CYP4Z1: variants seen among roughly 807,000 people sequenced by gnomAD.
The protein encoded by CYP4Z1 is cytochrome P450 4Z1.
In CYP4Z1, 41 loss-of-function variants were observed where a neutral mutation model predicts 54.2. The ratio of observed to expected loss-of-function variants is 0.76; its 90% CI spans 0.59 to 0.98. CYP4Z1 has a LOEUF of 0.98. CYP4Z1 is among the 50% of genes least tolerant of loss of function. The pLI is 0.00. For missense variants in CYP4Z1, 513 were observed against 599.0 expected, an observed-to-expected ratio of 0.86 and a Z score of 1.50; for synonymous variants, 163 against 206.2, an observed-to-expected ratio of 0.79 and a Z score of 1.79.
Position 47,106,184 on chromosome 1 carries a change from T to C in CYP4Z1, c.1124T>C (p.Leu375Pro), listed in dbSNP as rs1384955053. The stretch of plus-strand genomic sequence containing the variant: ...ATGTGCATCAAGGAATGCCTCCGCC[T>C]CTACGCACCGGTAGTAAACATATCC... ...TTMCIKECLRLYAPVVNISRL... is the reference protein window; with the variant it reads ...TTMCIKECLRPYAPVVNISRL... Residue 375 changes from leucine (L) to proline (P), a missense_variant, in exon 9 of 12, where the codon CTC (leucine) becomes CCC (proline). By Grantham distance (98) the Leu-to-Pro change is moderately conservative. Coordinates refer to ENST00000334194, the MANE Select transcript of CYP4Z1 (RefSeq NM_178134.3). 1.2e-6 allele frequency: 2 copies of C among 1,613,988 alleles called. No individual in the cohort carries two copies. Among genetic ancestry groups the C allele is most frequent in the Non-Finnish European group, 1.7e-6 (2 of 1,179,972 alleles).
At chr1:47,082,633 C>A (rs536672163) in intron 4 of CYP4Z1, among the ~76,000 whole-genome samples, 172 bp downstream of exon 4, 9 of 151,912 alleles carry the variant, frequency 5.9e-5, no homozygotes, top group Admixed American at 5.9e-4. Flanking sequence ...GTCTTGTATA[C>A]CCAACACTTC....
In CYP4Z1 at chr1:47,116,574, C is replaced by G. The variant is rs1295463; in HGVS notation, c.1267-76C>G. On this transcript the variant is annotated intron_variant, in intron 10 of 11. Transcript: ENST00000334194. Reference sequence around the variant, plus strand: ...TTCTGTTAACAATATCTATGGATTTCGTTTTTGTTTTTGTTTTTGTTTTTT... The same window carrying G: ...TTCTGTTAACAATATCTATGGATTTGGTTTTTGTTTTTGTTTTTGTTTTTT... The G allele has an allele frequency of 1.8e-3, 1,035 of 590,934 alleles. 7 individuals carry two copies. Among genetic ancestry groups the G allele is most frequent in the Non-Finnish European group, 2.5e-3 (962 of 385,340 alleles). The allele number at this position is 590,934 out of a possible 1,614,324, so 36.6% of individuals were successfully genotyped here.
chr1:47,087,998 G>C (rs1644610203), intron 6 of CYP4Z1, among the ~76,000 whole-genome samples: 1 of 152,106 alleles, frequency 6.6e-6, no homozygotes, highest in African/African-American at 2.4e-5. Flanking sequence ...GGATTACGTT[G>C]ATTGATTTGC....
In CYP4Z1 at chr1:47,068,733, G is replaced by C. The variant is rs778608363; in HGVS notation, c.289G>C (p.Asp97His). Residue 97 changes from aspartate to histidine, a missense_variant, in exon 2 of 12, where the codon GAC (aspartate) becomes CAC (histidine). By Grantham distance (81) the Asp-to-His change is moderately conservative (BLOSUM62 -1). Coordinates refer to ENST00000334194, the MANE Select transcript of CYP4Z1 (RefSeq NM_178134.3). ...FTMFFSVHDP[D>H]YAKILLKRQD... ...GATGTTCTTCAGTGTCCATGACCCA[G>C]ACTATGCCAAGATTCTCCTGAAAAG... 6.2e-7 allele frequency: 1 copy of C among 1,614,110 alleles called. No homozygotes were observed. Among genetic ancestry groups the C allele is most frequent in the East Asian group, 2.2e-5 (1 of 44,884 alleles).
At chr1:47,110,354 G>C (rs1476832199) in intron 9 of CYP4Z1, among the ~76,000 whole-genome samples, 1 of 148,928 alleles carries the variant, frequency 6.7e-6, no homozygotes, top group Non-Finnish European at 1.5e-5. Context: ...GTAAGCTAGA[G>C]CAAGCAGAAA....
chr1:47,084,822 A>C lies in CYP4Z1; in HGVS notation c.618-2A>C. On this transcript the variant is annotated splice_acceptor_variant, in intron 5 of 11. Transcript: ENST00000334194. LOFTEE classifies it high-confidence loss of function. The stretch of plus-strand genomic sequence containing the variant: ...CATGTTGTTCCATCTTCCCTATTCC[A>C]GTACCCTGGACTCATACCTGAAAGC... 1.3e-6 allele frequency: 2 copies of C among 1,538,536 alleles called. No homozygotes were observed. Among genetic ancestry groups the C allele is most frequent in the Non-Finnish European group, 1.7e-6 (2 of 1,151,900 alleles).
At chr1:47,102,795 C>T (rs988684421) in intron 8 of CYP4Z1, among the ~76,000 whole-genome samples, 8 of 152,082 alleles carry the variant, frequency 5.3e-5, no homozygotes, top group Admixed American at 2.0e-4. Flanking sequence ...GACTGTAATA[C>T]GCTGTAGAGA....
At position 47,106,184 on chromosome 1, in the gene CYP4Z1, T is replaced by A. The variant is rs1384955053; in HGVS notation, c.1124T>A (p.Leu375His). Residue 375 changes from leucine to histidine, a missense_variant, in exon 9 of 12, where the codon CTC (leucine) becomes CAC (histidine). Transcript: ENST00000334194. ...TTMCIKECLRLYAPVVNISRL... is the reference protein window; with the variant it reads ...TTMCIKECLRHYAPVVNISRL... ...ATGTGCATCAAGGAATGCCTCCGCC[T>A]CTACGCACCGGTAGTAAACATATCC... 9 of 1,613,988 alleles carry A rather than the reference T, an allele frequency of 5.6e-6. No individual in the cohort carries two copies. The East Asian group carries it at 2.0e-4, about 36-fold the overall frequency.
intron 4 of CYP4Z1, among the ~76,000 whole-genome samples, chr1:47,082,820 A>C (rs1173171641): frequency 6.7e-6 from 1 of 148,420 alleles, no homozygotes; most frequent in African/African-American, 2.5e-5. Flanking sequence ...GTCAGGAAAC[A>C]CTTCCTAAGA....
chr1:47,111,696 C>A (rs1026144519), intron 9 of CYP4Z1, among the ~76,000 whole-genome samples: 2 of 152,092 alleles, frequency 1.3e-5, no homozygotes, highest in African/African-American at 4.8e-5. Flanking sequence ...TTTAAGTACA[C>A]CAGCAACATT....
At chr1:47,099,892 A>C (rs1569741276) in intron 8 of CYP4Z1, among the ~76,000 whole-genome samples, 2 of 152,230 alleles carry the variant, frequency 1.3e-5, no homozygotes, top group African/African-American at 4.8e-5. Context: ...TTGTCTAACA[A>C]ACAGCCATAT....
chr1:47,079,559 A>T (rs1644549106), intron 2 of CYP4Z1, among the ~76,000 whole-genome samples: 1 of 152,260 alleles, frequency 6.6e-6, no homozygotes, highest in African/African-American at 2.4e-5. Flanking sequence ...TCTTTCCAAA[A>T]TAGTTTTGGA....
the CYP4Z1 span, among the ~76,000 whole-genome samples, chr1:47,057,316 T>C: frequency 0.43 from 32,001 of 73,906 alleles, 5,941 homozygotes; most frequent in East Asian, 0.74. Flanking sequence ...CTTCCCTTTG[T>C]TACTTCTTAA....
chr1:47,106,432 G>A (rs1238349850), intron 9 of CYP4Z1, among the ~76,000 whole-genome samples, 171 bp downstream of exon 9: 3 of 151,986 alleles, frequency 2.0e-5, no homozygotes, highest in Non-Finnish European at 4.4e-5. Flanking sequence ...TATCCAAACA[G>A]GCACAGGATT....
intron 7 of CYP4Z1, among the ~76,000 whole-genome samples, chr1:47,098,243 T>C (rs1480665700): frequency 6.6e-6 from 1 of 152,230 alleles, no homozygotes; most frequent in African/African-American, 2.4e-5. Flanking sequence ...ATTCTTCCTA[T>C]CCATGAGCAT....
At chr1:47,107,973 T>A (rs199599247) in intron 9 of CYP4Z1, among the ~76,000 whole-genome samples, 23 of 139,012 alleles carry the variant, frequency 1.7e-4, no homozygotes, top group African/African-American at 5.8e-4. Context: ...AGTTTTAGGC[T>A]ACTTATACGT....
intron 2 of CYP4Z1, among the ~76,000 whole-genome samples, chr1:47,078,010 T>C (rs1305580618): frequency 6.6e-6 from 1 of 152,196 alleles, no homozygotes; most frequent in Non-Finnish European, 1.5e-5. Flanking sequence ...AACATTTTTA[T>C]GTTACTCTTC....
intron 4 of CYP4Z1, 110 bp from the exon 5 acceptor site, chr1:47,084,510 T>C: frequency 6.7e-7 from 1 of 1,484,340 alleles, no homozygotes; most frequent in Non-Finnish European, 9.1e-7. Flanking sequence ...AAATTCATTT[T>C]GTACGCTTTA....
At chr1:47,114,615 C>G (rs528078053) in intron 9 of CYP4Z1, among the ~76,000 whole-genome samples, 25 of 131,582 alleles carry the variant, frequency 1.9e-4, no homozygotes, top group African/African-American at 7.3e-4. Flanking sequence ...AACAAACAAC[C>G]CCATCAACAA....
Sources: gnomAD v4.1 joint callset for allele counts (sites outside exome capture counted in the v4.1 genomes callset) on GRCh38, gnomAD v4.1.1 for gene constraint, MANE v1.5 for transcripts, NCBI Gene and HGNC (gene_info 2026-07-23, HGNC 2026-07-21) for gene names.